Variants in CCDC39 observed in about 807,000 individuals in gnomAD.
The protein encoded by CCDC39 is coiled-coil domain 39 molecular ruler complex subunit.
CCDC39 carries 113 observed loss-of-function variants against 121.0 expected under a neutral mutation model. That is an observed-to-expected ratio of 0.93 (90% confidence interval 0.80 to 1.09). CCDC39 has a LOEUF of 1.09. Among genes scored for constraint, CCDC39 ranks in the 50% least tolerant of loss-of-function variants. The pLI is 0.00. For missense variants in CCDC39, 1,063 were observed against 1,074.7 expected (o/e 0.99, Z 0.15); for synonymous variants, 349 against 352.2 (o/e 0.99, Z 0.10).
At chr3:180,641,846 T>C in intron 13 of CCDC39, 147 bp downstream of exon 13, 1 of 474,640 alleles carries the variant, frequency 2.1e-6, no homozygotes, top group Non-Finnish European at 3.7e-6. Flanking sequence ...GATTTATGGC[T>C]ATAACATGCC....
intron 1 of CCDC39, among the ~76,000 whole-genome samples, chr3:180,674,742 G>T (rs1334270003): frequency 6.6e-6 from 1 of 152,050 alleles, no homozygotes; most frequent in Non-Finnish European, 1.5e-5. Flanking sequence ...ATAATCATGT[G>T]GTTTTTGTCT....
chr3:180,674,235 A>G (rs1293200767), intron 1 of CCDC39, among the ~76,000 whole-genome samples: 2 of 152,134 alleles, frequency 1.3e-5, no homozygotes, highest in East Asian at 3.9e-4. Flanking sequence ...ATTCTCTTTG[A>G]AGCAATTGTG....
intron 9 of CCDC39, among the ~76,000 whole-genome samples, chr3:180,649,903 C>T (rs1718158846): frequency 6.6e-6 from 1 of 152,152 alleles, no homozygotes. Context: ...AGGAAGAAAA[C>T]ACCAAAACTT....
At chr3:180,651,051 C>T (rs1262979919) in intron 9 of CCDC39, among the ~76,000 whole-genome samples, 2 of 151,786 alleles carry the variant, frequency 1.3e-5, no homozygotes, top group African/African-American at 2.4e-5. Flanking sequence ...AAAAATTAGC[C>T]AGGCGTGGTT....
chr3:180,623,106 T>A (rs1398083503), intron 14 of CCDC39, among the ~76,000 whole-genome samples: 1 of 147,712 alleles, frequency 6.8e-6, no homozygotes, highest in East Asian at 1.9e-4. Context: ...ATTATTATTA[T>A]TATTATTATG....
At chr3:180,619,729 C>G (rs762708853) in intron 15 of CCDC39, 82 bp downstream of exon 15, 6 of 840,676 alleles carry the variant, frequency 7.1e-6, no homozygotes, top group Non-Finnish European at 1.0e-5. Flanking sequence ...TGCTTTTGTT[C>G]TTCCTCATGT....
At chr3:180,636,318 G>A (rs1236858575) in intron 13 of CCDC39, among the ~76,000 whole-genome samples, 1 of 152,072 alleles carries the variant, frequency 6.6e-6, no homozygotes, top group Non-Finnish European at 1.5e-5. Flanking sequence ...TAACAGCCAA[G>A]CCAATAGCCA....
chr3:180,679,409 G>T lies in CCDC39; in HGVS notation c.-29C>A. The T allele has an allele frequency of 6.3e-7, 1 of 1,592,652 alleles. No homozygotes were observed. On this transcript the variant is annotated 5_prime_UTR_variant, in exon 1 of 20. Coordinates refer to ENST00000476379, the MANE Select transcript of CCDC39 (RefSeq NM_181426.2). This position sits in a 1 kb window ranked among gnomAD's most constrained non-coding sequence, Gnocchi z 4.0. ...TGCAAACGGATAGAGAAGATACAGA[G>T]CAAAGATCCGCCTTCTTGTACAGCG...
intron 13 of CCDC39, among the ~76,000 whole-genome samples, chr3:180,632,111 T>C (rs1161577898): frequency 2.0e-5 from 3 of 152,146 alleles, no homozygotes; most frequent in Non-Finnish European, 4.4e-5. Context: ...AAATATTTTA[T>C]AGTGGGAAAT....
intron 1 of CCDC39, among the ~76,000 whole-genome samples, chr3:180,668,722 C>T (rs188227073): frequency 9.9e-5 from 15 of 152,114 alleles, no homozygotes; most frequent in Non-Finnish European, 1.6e-4. Flanking sequence ...GAACCATATG[C>T]ATTCTTAAAA....
At chr3:180,654,056 A>G (rs1162416607) in intron 7 of CCDC39, among the ~76,000 whole-genome samples, 3 of 150,992 alleles carry the variant, frequency 2.0e-5, no homozygotes, top group Admixed American at 6.6e-5. Flanking sequence ...GTACTGGCAA[A>G]AAAAAAAAAA....
At chr3:180,670,627 C>A (rs1260784579) in intron 1 of CCDC39, among the ~76,000 whole-genome samples, 1 of 144,930 alleles carries the variant, frequency 6.9e-6, no homozygotes, top group Non-Finnish European at 1.5e-5. Context: ...TACCACAGTG[C>A]CTTTTTTTTC....
At position 180,664,002 on chromosome 3, in the gene CCDC39, A is replaced by G; in HGVS notation, c.91-16T>C. Reference sequence around the variant, plus strand: ...GCTTTGACAACTGTAAATAATAAATACTATGATTAACCAAAGTCCTATTAA... The same window carrying G: ...GCTTTGACAACTGTAAATAATAAATGCTATGATTAACCAAAGTCCTATTAA... On this transcript the variant is annotated splice_polypyrimidine_tract_variant and intron_variant, in intron 1 of 19. Transcript: ENST00000476379. 1 of 1,603,534 alleles carries G rather than the reference A, an allele frequency of 6.2e-7. No homozygotes were observed. Among genetic ancestry groups the G allele is most frequent in the Non-Finnish European group, 8.5e-7 (1 of 1,175,654 alleles).
At position 180,619,907 on chromosome 3, in the gene CCDC39, C is replaced by CT. The variant is rs2108406611; in HGVS notation, c.2061dup (p.Ala688SerfsTer2). The CT allele has an allele frequency of 6.2e-7, 1 of 1,609,888 alleles. No individual in the cohort carries two copies. The highest frequency in any genetic ancestry group is 1.1e-5 in the South Asian group (1 of 90,616). ...TCTAGAGCGTAGATTTCTTTTTCAG[C>CT]TTTGTTGATCTTGGCATCCAAACAG... On this transcript the variant is annotated frameshift_variant, in exon 15 of 20. Coordinates refer to ENST00000476379, the MANE Select transcript of CCDC39 (RefSeq NM_181426.2). LOFTEE classifies it high-confidence loss of function.
chr3:180,670,781 G>T (rs1269520454), intron 1 of CCDC39, among the ~76,000 whole-genome samples: 2 of 152,000 alleles, frequency 1.3e-5, no homozygotes, highest in East Asian at 1.9e-4. Flanking sequence ...ATATGAGGTG[G>T]GTCTAGACTC....
At position 180,679,254 on chromosome 3, in the gene CCDC39, C is replaced by G; in HGVS notation, c.90+37G>C. On this transcript the variant is annotated intron_variant, in intron 1 of 19. Transcript: ENST00000476379. This position sits in a 1 kb window ranked among gnomAD's most constrained non-coding sequence, Gnocchi z 4.0. ...AACCAGAAAACGCCCCCAACAGGCT[C>G]TCTCTGCTTCCTCCCGCCTGCTTCA... 6.4e-7 allele frequency: 1 copy of G among 1,562,758 alleles called. No homozygotes were observed. The highest frequency in any genetic ancestry group is 8.8e-7 in the Non-Finnish European group (1 of 1,133,068).
intron 1 of CCDC39, among the ~76,000 whole-genome samples, chr3:180,666,212 C>A (rs1299658417): frequency 1.3e-5 from 2 of 152,130 alleles, no homozygotes; most frequent in Admixed American, 6.6e-5. Context: ...TAAATGCAAT[C>A]ATGCAATATT....
At chr3:180,632,939 C>T (rs1436136303) in intron 13 of CCDC39, among the ~76,000 whole-genome samples, 1 of 152,096 alleles carries the variant, frequency 6.6e-6, no homozygotes, top group Non-Finnish European at 1.5e-5. Context: ...AAAAAATTAC[C>T]ACAGTTCCTA....
At chr3:180,676,284 A>C (rs1027605667) in intron 1 of CCDC39, among the ~76,000 whole-genome samples, 13 of 152,370 alleles carry the variant, frequency 8.5e-5, no homozygotes, top group South Asian at 8.3e-4. Flanking sequence ...CAAAGAACTC[A>C]AACAAATTTA....
Sources: gnomAD v4.1 joint callset for allele counts (sites outside exome capture counted in the v4.1 genomes callset) on GRCh38, gnomAD v4.1.1 for gene constraint, Gnocchi (gnomAD v3.1) non-coding constraint, MANE v1.5 for transcripts, NCBI Gene and HGNC (gene_info 2026-07-23, HGNC 2026-07-21) for gene names.